The following HS3ST5 variants were observed in gnomAD, a reference collection of about 807,000 sequenced individuals.
HS3ST5 encodes the protein heparan sulfate glucosamine 3-O-sulfotransferase 5.
In HS3ST5, 10 loss-of-function variants were observed where a neutral mutation model predicts 25.4. The ratio of observed to expected loss-of-function variants is 0.39; its 90% CI spans 0.24 to 0.67. The LOEUF is 0.67. Ranked by LOEUF, HS3ST5 falls within the 30% of genes least tolerant of loss-of-function variation. HS3ST5 has a pLI of 0.44. For missense variants in HS3ST5, 324 were observed against 420.7 expected, an observed-to-expected ratio of 0.77 and a Z score of 2.01; for synonymous variants, 170 against 162.4, an observed-to-expected ratio of 1.05 and a Z score of -0.36.
intron 2 of HS3ST5, among the ~76,000 whole-genome samples, chr6:114,228,103 T>C (rs1347216453): frequency 6.6e-6 from 1 of 152,166 alleles, no homozygotes; most frequent in Non-Finnish European, 1.5e-5. Context: ...TTGTATTGAA[T>C]GTCACTTTCA....
intron 3 of HS3ST5, chr6:114,112,589 C>T (rs1445208379): frequency 6.6e-6 from 1 of 152,208 alleles, no homozygotes; most frequent in Non-Finnish European, 1.5e-5. Context: ...TACTTACTCT[C>T]TGCCAGCATC....
intron 3 of HS3ST5, chr6:114,144,016 C>T (rs1778034694): frequency 6.6e-6 from 1 of 152,180 alleles, no homozygotes; most frequent in Admixed American, 6.5e-5. Context: ...ACAATTTTTA[C>T]TTAAGAGACT....
intron 2 of HS3ST5, among the ~76,000 whole-genome samples, chr6:114,200,279 G>A (rs1780952759): frequency 6.6e-6 from 1 of 152,134 alleles, no homozygotes; most frequent in Admixed American, 6.5e-5. Flanking sequence ...AAGACAATAA[G>A]CAAACACAGA....
At chr6:114,261,525 C>T (rs768900159) in intron 1 of HS3ST5, among the ~76,000 whole-genome samples, 8 of 151,920 alleles carry the variant, frequency 5.3e-5, no homozygotes, top group Non-Finnish European at 7.4e-5. Context: ...GTCATATGAA[C>T]GAACTGAAGT....
chr6:114,136,612 T>TC (rs1258712273), intron 3 of HS3ST5, among the ~76,000 whole-genome samples: 1 of 152,198 alleles, frequency 6.6e-6, no homozygotes, highest in Non-Finnish European at 1.5e-5. Context: ...TCCTTCAGTC[T>TC]CCCCCGAAGG....
chr6:114,221,648 T>A (rs1782045875), intron 2 of HS3ST5, among the ~76,000 whole-genome samples: 1 of 151,568 alleles, frequency 6.6e-6, no homozygotes, highest in East Asian at 1.9e-4. Context: ...TATTTAAAAA[T>A]ATATATTCAA....
intron 1 of HS3ST5, among the ~76,000 whole-genome samples, chr6:114,338,948 T>C (rs551727322): frequency 6.6e-6 from 1 of 152,180 alleles, no homozygotes; most frequent in East Asian, 1.9e-4. Context: ...CACCAAAAAA[T>C]GGAAAGGATT....
intron 3 of HS3ST5, among the ~76,000 whole-genome samples, chr6:114,128,998 C>T (rs752408136): frequency 1.3e-5 from 2 of 151,614 alleles, no homozygotes; most frequent in African/African-American, 2.4e-5. Flanking sequence ...AAGAAAAAGC[C>T]AAGTTTCTGG....
chr6:114,281,318 T>C (rs1774099124), intron 1 of HS3ST5, among the ~76,000 whole-genome samples: 1 of 152,064 alleles, frequency 6.6e-6, no homozygotes, highest in Admixed American at 6.6e-5. Context: ...TTGTATAGTG[T>C]CAGATCTAAT....
intron 1 of HS3ST5, among the ~76,000 whole-genome samples, chr6:114,235,199 T>A (rs1162408065): frequency 6.6e-6 from 1 of 152,298 alleles, no homozygotes; most frequent in East Asian, 1.9e-4. Context: ...CTCATTTATA[T>A]ATACTTTACA....
rs1772345275 is a variant in HS3ST5, at chr6:114,245,701, G to A, written c.-338-16923C>T. Among the ~76,000 whole-genome samples the A allele has an allele frequency of 2.0e-5, 3 of 152,216 alleles. No homozygotes were observed. The South Asian group carries it at 6.2e-4, about 32-fold the overall frequency. On this transcript the variant is annotated intron_variant, in intron 1 of 4. Transcript: ENST00000312719. ...GATTGCTCTGACACATAGAAATCAG[G>A]GACAGTGACTTGTTTTCAAGGCAAA...
At chr6:114,126,210 T>G (rs969496102) in intron 3 of HS3ST5, among the ~76,000 whole-genome samples, 1 of 152,180 alleles carries the variant, frequency 6.6e-6, no homozygotes, top group Admixed American at 6.5e-5. Flanking sequence ...GAGGGAGATG[T>G]TTTTAAAAAG....
At chr6:114,133,172 T>C (rs1226069924) in intron 3 of HS3ST5, among the ~76,000 whole-genome samples, 1 of 152,196 alleles carries the variant, frequency 6.6e-6, no homozygotes, top group East Asian at 1.9e-4. Context: ...TCTTGTCTTC[T>C]GCCCATCAAG....
intron 2 of HS3ST5, among the ~76,000 whole-genome samples, chr6:114,193,419 C>A (rs960297842): frequency 4.6e-5 from 7 of 152,096 alleles, no homozygotes; most frequent in Non-Finnish European, 8.8e-5. Context: ...AAAGAGAAAA[C>A]CTCGCAGAAC....
intron 1 of HS3ST5, among the ~76,000 whole-genome samples, chr6:114,300,779 A>G (rs1775040090): frequency 6.6e-6 from 1 of 152,242 alleles, no homozygotes; most frequent in East Asian, 1.9e-4. Context: ...TGAATGAATA[A>G]AAGATGGTAT....
At chr6:114,238,711 C>T (rs1771970153) in intron 1 of HS3ST5, among the ~76,000 whole-genome samples, 1 of 152,122 alleles carries the variant, frequency 6.6e-6, no homozygotes, top group Non-Finnish European at 1.5e-5. Context: ...TCACCAACTA[C>T]TCATTTTGCG....
At position 114,230,863 on chromosome 6, in the gene HS3ST5, C is replaced by G. The variant is rs528180412; in HGVS notation, c.-338-2085G>C. On this transcript the variant is annotated intron_variant, in intron 1 of 4. Transcript: ENST00000312719. ...TCAGCCTCCCAAAGTGCTGGGATTA[C>G]AGGCTCGAGCCACCGCGCCCGGCCC... is the stretch of plus-strand genomic sequence containing the variant. Among the ~76,000 whole-genome samples, 30 of 152,258 alleles carry G rather than the reference C, an allele frequency of 2.0e-4. No homozygotes were observed. In the East Asian group the frequency reaches 5.0e-3, roughly 25 times the overall value.
At chr6:114,209,894 A>C (rs991402669) in intron 2 of HS3ST5, among the ~76,000 whole-genome samples, 9 of 152,174 alleles carry the variant, frequency 5.9e-5, no homozygotes, top group African/African-American at 2.2e-4. Flanking sequence ...GTAATATAGA[A>C]AGAGAAAATT....
At chr6:114,174,580 A>T (rs1487725418) in intron 2 of HS3ST5, among the ~76,000 whole-genome samples, 4 of 152,174 alleles carry the variant, frequency 2.6e-5, no homozygotes, top group African/African-American at 4.8e-5. Context: ...ACCACATTTT[A>T]AAAAATTACT....
Sources: gnomAD v4.1 joint callset for allele counts (sites outside exome capture counted in the v4.1 genomes callset) on GRCh38, gnomAD v4.1.1 for gene constraint, MANE v1.5 for transcripts, NCBI Gene and HGNC (gene_info 2026-07-23, HGNC 2026-07-21) for gene names.